KCNJ6: variants seen among roughly 807,000 people sequenced by gnomAD.
The protein encoded by KCNJ6 is G protein-activated inward rectifier potassium channel 2.
A neutral mutation model predicts 34.2 loss-of-function variants in KCNJ6; 9 were observed. The ratio of observed to expected loss-of-function variants is 0.26; its 90% CI spans 0.16 to 0.46. KCNJ6 has a LOEUF of 0.46. Ranked by LOEUF, KCNJ6 falls within the 20% of genes least tolerant of loss-of-function variation. The pLI, the probability that KCNJ6 is intolerant of heterozygous loss-of-function variation, is 1.00. For missense variants in KCNJ6, 236 were observed against 531.3 expected (o/e 0.44, Z 5.46); for synonymous variants, 196 against 207.1 (o/e 0.95, Z 0.46).
rs1417904279 is a variant in KCNJ6 at position 37,625,022 on chromosome 21, G to A, written c.*137C>T. 1.5e-6 allele frequency: 1 copy of A among 683,290 alleles called. No homozygotes were observed. Among genetic ancestry groups the A allele is most frequent in the Non-Finnish European group, 2.5e-6 (1 of 400,090 alleles). The allele number at this position is 683,290 out of a possible 1,614,324, so 42.3% of individuals were successfully genotyped here. Reference sequence around the variant, plus strand: ...GCAGGTAGATATTTTACACCTTGAAGATTTGTTTTCTGGTCATGTAAAAAT... The same window carrying A: ...GCAGGTAGATATTTTACACCTTGAAAATTTGTTTTCTGGTCATGTAAAAAT... On this transcript the variant is annotated 3_prime_UTR_variant, in exon 4 of 4. Transcript: ENST00000609713.
At chr21:37,889,770 C>T (rs972604418) in intron 1 of KCNJ6, among the ~76,000 whole-genome samples, 9 of 152,308 alleles carry the variant, frequency 5.9e-5, no homozygotes, top group East Asian at 5.8e-4. Flanking sequence ...CCACCATCTT[C>T]ACATGGTCTT....
rs1192520549 is a variant in KCNJ6, at chr21:37,617,338, C to T, written c.*7821G>A. 1 of 152,014 alleles carries T rather than the reference C, an allele frequency of 6.6e-6. No homozygotes were observed. Among genetic ancestry groups the T allele is most frequent in the Non-Finnish European group, 1.5e-5 (1 of 68,080 alleles). The allele number at this position is 152,014 out of a possible 1,614,324, so 9.4% of individuals were successfully genotyped here. On this transcript the variant is annotated 3_prime_UTR_variant, in exon 4 of 4. Transcript: ENST00000609713. ...AGTTTAAGCTATTCTTGTGCCTCAG[C>T]CTCCAGAGTAGCTGGGTGTACAGGC...
intron 1 of KCNJ6, among the ~76,000 whole-genome samples, chr21:37,899,970 C>T (rs1317990242): frequency 1.3e-5 from 2 of 152,188 alleles, no homozygotes; most frequent in Non-Finnish European, 2.9e-5. Flanking sequence ...CAGGTTCTGG[C>T]AGCTGAGAAT....
At chr21:37,641,808 A>C (rs1419078054) in intron 3 of KCNJ6, among the ~76,000 whole-genome samples, 1 of 152,210 alleles carries the variant, frequency 6.6e-6, no homozygotes, top group African/African-American at 2.4e-5. Context: ...GGGAAATAGA[A>C]AGCTGCTTCA....
intron 2 of KCNJ6, among the ~76,000 whole-genome samples, chr21:37,804,226 T>C (rs1032107828): frequency 8.6e-5 from 13 of 152,010 alleles, no homozygotes; most frequent in African/African-American, 3.1e-4. Context: ...GCAACACTCA[T>C]TGTTTGTAGG....
chr21:37,905,274 C>A (rs1047617055), intron 1 of KCNJ6, among the ~76,000 whole-genome samples: 3 of 152,214 alleles, frequency 2.0e-5, no homozygotes, highest in Non-Finnish European at 2.9e-5. Context: ...GTATTTAACT[C>A]TGTCTTGCTC....
intron 2 of KCNJ6, among the ~76,000 whole-genome samples, chr21:37,800,522 T>C (rs1202427637): frequency 6.6e-6 from 1 of 152,224 alleles, no homozygotes; most frequent in Non-Finnish European, 1.5e-5. Context: ...TGATTATTTC[T>C]CATCTGGGTG....
chr21:37,826,846 A>G (rs1268345444), intron 2 of KCNJ6, among the ~76,000 whole-genome samples: 1 of 152,120 alleles, frequency 6.6e-6, no homozygotes, highest in Non-Finnish European at 1.5e-5. Flanking sequence ...TGGGGAACAC[A>G]CACAAGCAGA....
At chr21:37,716,583 A>T (rs568175821) in intron 2 of KCNJ6, among the ~76,000 whole-genome samples, 2 of 151,972 alleles carry the variant, frequency 1.3e-5, no homozygotes, top group Non-Finnish European at 2.9e-5. Flanking sequence ...GGGTCTCACT[A>T]TGTTGCTCAG....
intron 2 of KCNJ6, among the ~76,000 whole-genome samples, chr21:37,730,604 T>C (rs2054879267): frequency 6.6e-6 from 1 of 152,166 alleles, no homozygotes; most frequent in Admixed American, 6.5e-5. Context: ...AAGCTCAACA[T>C]TGTCCTGGAA....
At chr21:37,751,932 AAG>A (rs1194158879) in intron 2 of KCNJ6, among the ~76,000 whole-genome samples, 1 of 152,236 alleles carries the variant, frequency 6.6e-6, no homozygotes, top group Non-Finnish European at 1.5e-5. Flanking sequence ...GAATGAATGA[AAG>A]AGAAGGAAGA....
chr21:37,860,829 C>T (rs962187297), intron 1 of KCNJ6, among the ~76,000 whole-genome samples: 2 of 152,192 alleles, frequency 1.3e-5, no homozygotes, highest in African/African-American at 4.8e-5. Context: ...CTCATCACTT[C>T]CCAATGTTTT....
At chr21:37,824,670 G>A (rs770217608) in intron 2 of KCNJ6, among the ~76,000 whole-genome samples, 3 of 152,072 alleles carry the variant, frequency 2.0e-5, no homozygotes, top group Admixed American at 6.5e-5. Context: ...TATAAGTGAC[G>A]GGCTTTCCTG....
intron 2 of KCNJ6, among the ~76,000 whole-genome samples, chr21:37,744,203 C>A (rs1340738492): frequency 1.3e-5 from 2 of 150,796 alleles, no homozygotes; most frequent in Non-Finnish European, 2.9e-5. Flanking sequence ...AGGAGATATA[C>A]CTAATGCTAA....
chr21:37,907,044 G>C (rs1398335822), intron 1 of KCNJ6, among the ~76,000 whole-genome samples: 2 of 152,230 alleles, frequency 1.3e-5, no homozygotes, highest in African/African-American at 4.8e-5. Context: ...GCACGTTAGA[G>C]ATGTCTAAAA....
rs1285434531 is a variant in KCNJ6, at chr21:37,608,242, A to G, written c.*16917T>C. The G allele has an allele frequency of 1.3e-5, 2 of 152,104 alleles. No individual in the cohort carries two copies. The highest frequency in any genetic ancestry group is 2.9e-5 in the Non-Finnish European group (2 of 68,036). The allele number at this position is 152,104 out of a possible 1,614,324, so 9.4% of individuals were successfully genotyped here. A position where few individuals can be genotyped will look rare whatever the true frequency, so the allele number is the denominator to read the frequency against. ...TAGGCTGGTCTAGGTACCATCCCCC[A>G]ATCTTACCTTGTGTGTTTCTGTTTT... is the stretch of plus-strand genomic sequence containing the variant. On this transcript the variant is annotated 3_prime_UTR_variant, in exon 4 of 4. Coordinates refer to ENST00000609713, the MANE Select transcript of KCNJ6 (RefSeq NM_002240.5).
chr21:37,842,293 C>T (rs965762469), intron 1 of KCNJ6, among the ~76,000 whole-genome samples: 17 of 152,162 alleles, frequency 1.1e-4, no homozygotes, highest in South Asian at 2.1e-4. Flanking sequence ...CTTTTCCCCA[C>T]GGCCCTGGTA....
chr21:37,730,286 A>G (rs1337235128), intron 2 of KCNJ6, among the ~76,000 whole-genome samples: 3 of 152,230 alleles, frequency 2.0e-5, no homozygotes, highest in African/African-American at 7.2e-5. Context: ...ATGAAATGAC[A>G]TAATGAACTT....
At chr21:37,693,391 A>T (rs1347950163) in intron 3 of KCNJ6, among the ~76,000 whole-genome samples, 1 of 152,210 alleles carries the variant, frequency 6.6e-6, no homozygotes, top group Non-Finnish European at 1.5e-5. Flanking sequence ...ATGAAGGAGT[A>T]TGCAGGAATG....
Sources: allele counts gnomAD v4.1 joint callset (sites outside exome capture counted in the v4.1 genomes callset), GRCh38; gene constraint gnomAD v4.1.1; transcripts MANE v1.5; gene names NCBI Gene and HGNC (gene_info 2026-07-23, HGNC 2026-07-21).